STPG2: variants seen among roughly 807,000 people sequenced by gnomAD.
The protein encoded by STPG2 is sperm-tail PG-rich repeat-containing protein 2.
In STPG2, 56 loss-of-function variants were observed where a neutral mutation model predicts 54.2. That is an observed-to-expected ratio of 1.03 (90% CI 0.83 to 1.29). The LOEUF (loss-of-function observed/expected upper bound fraction) is 1.29. STPG2 is among the 50% of genes most tolerant of loss of function. STPG2 has a pLI of 0.00. For synonymous variants in STPG2, 200 were observed against 181.8 expected (o/e 1.10, Z -0.81); for missense variants, 596 against 544.9 (o/e 1.09, Z -0.93).
chr4:97,466,240 T>C (rs1460124797), intron 4 of STPG2, among the ~76,000 whole-genome samples: 5 of 152,096 alleles, frequency 3.3e-5, no homozygotes, highest in East Asian at 1.9e-4. Context: ...TTGTCTGAGA[T>C]AGAAATTTTT....
chr4:98,112,294 G>C (rs1368786271), intron 3 of STPG2, among the ~76,000 whole-genome samples: 2 of 152,044 alleles, frequency 1.3e-5, no homozygotes, highest in African/African-American at 4.8e-5. Context: ...TTGTGTATCT[G>C]TATCTTTGTA....
rs1015197090 is a variant in STPG2 at position 97,623,240 on chromosome 4, T to C, written c.1321-64123A>G. Among the ~76,000 whole-genome samples the C allele has an allele frequency of 2.0e-5, 3 of 151,594 alleles. No homozygotes were observed. The East Asian group carries it at 5.8e-4, about 29-fold the overall frequency. ...ATGATGAAGACACCAAAAACAATTG[T>C]GACAAAAATAAAAACAGATAAATGG... On this transcript the variant is annotated intron_variant, in intron 10 of 10. Transcript: ENST00000295268.
chr4:97,442,970 G>A (rs558401031), intron 4 of STPG2, among the ~76,000 whole-genome samples: 6 of 152,072 alleles, frequency 3.9e-5, no homozygotes, highest in African/African-American at 1.4e-4. Flanking sequence ...TAAATTGAGA[G>A]TTGAAAGGAA....
intron 9 of STPG2, among the ~76,000 whole-genome samples, chr4:97,765,584 C>T (rs1330342071): frequency 6.6e-6 from 1 of 151,994 alleles, no homozygotes; most frequent in East Asian, 1.9e-4. Flanking sequence ...CAACTGAGTC[C>T]TAAAATGAAG....
At chr4:97,550,180 T>C (rs940632473) in intron 4 of STPG2, among the ~76,000 whole-genome samples, 3 of 152,178 alleles carry the variant, frequency 2.0e-5, no homozygotes, top group African/African-American at 7.2e-5. Context: ...AAAAGATGTG[T>C]ACGAAAGTAT....
chr4:97,643,103 T>C (rs1213552664), intron 10 of STPG2, among the ~76,000 whole-genome samples: 1 of 151,662 alleles, frequency 6.6e-6, no homozygotes, highest in Non-Finnish European at 1.5e-5. Context: ...TCCTTATTCA[T>C]TATATAACAG....
rs558441787 is a variant in STPG2, at chr4:97,633,850, G to A, written c.1321-74733C>T. 3 of 156,694 alleles carry A rather than the reference G, an allele frequency of 1.9e-5. No individual in the cohort carries two copies. In the South Asian group the frequency reaches 6.0e-4, roughly 32 times the overall value. The allele number at this position is 156,694 out of a possible 1,614,324, so 9.7% of individuals were successfully genotyped here. On this transcript the variant is annotated intron_variant, in intron 10 of 10. Transcript: ENST00000295268. The stretch of plus-strand genomic sequence containing the variant: ...CTGGCTCTGAGGGTCCTACCCCACG[G>A]AGTCTCGCTGATTGCTAGCACAGCA...
chr4:97,478,696 T>C (rs889934406), intron 4 of STPG2, among the ~76,000 whole-genome samples: 1 of 152,204 alleles, frequency 6.6e-6, no homozygotes, highest in South Asian at 2.1e-4. Context: ...TCTCTTTTGC[T>C]AAAATTTTAA....
At chr4:97,830,323 C>T (rs529444711) in intron 9 of STPG2, among the ~76,000 whole-genome samples, 34 of 152,166 alleles carry the variant, frequency 2.2e-4, no homozygotes, top group Middle Eastern at 3.4e-3. Flanking sequence ...CAATCAAATG[C>T]GGAGAGATTT....
At chr4:97,686,952 TGAGA>T (rs879693888) in intron 10 of STPG2, among the ~76,000 whole-genome samples, 1 of 148,044 alleles carries the variant, frequency 6.8e-6, no homozygotes, top group African/African-American at 2.5e-5. Context: ...TTTTTTTTTT[TGAGA>T]GAGAGAGTGA....
At chr4:97,954,718 C>T (rs1190515980) in intron 7 of STPG2, among the ~76,000 whole-genome samples, 3 of 152,168 alleles carry the variant, frequency 2.0e-5, no homozygotes, top group South Asian at 2.1e-4. Flanking sequence ...ATTTTATCTT[C>T]ACCTGTATCT....
At chr4:97,956,690 ATGGGTGGC>A (rs1481981136) in intron 7 of STPG2, among the ~76,000 whole-genome samples, 1 of 152,184 alleles carries the variant, frequency 6.6e-6, no homozygotes, top group Non-Finnish European at 1.5e-5. Context: ...AATAGACCTG[ATGGGTGGC>A]TGGATCCAGA....
At chr4:97,569,367 GCTT>G (rs1732540043) in intron 10 of STPG2, among the ~76,000 whole-genome samples, 1 of 152,136 alleles carries the variant, frequency 6.6e-6, no homozygotes, top group Non-Finnish European at 1.5e-5. Flanking sequence ...GTTTTGGCCA[GCTT>G]CTTTGCTGCA....
chr4:97,793,372 C>T (rs2865938), intron 9 of STPG2, among the ~76,000 whole-genome samples: 66,633 of 118,620 alleles, frequency 0.56, 15,178 homozygotes, highest in African/African-American at 0.68. Context: ...TTTATATATA[C>T]ACACACACAC....
intron 4 of STPG2, among the ~76,000 whole-genome samples, chr4:97,487,090 TG>T (rs1457218560): frequency 6.6e-6 from 1 of 150,554 alleles, no homozygotes; most frequent in East Asian, 2.0e-4. Context: ...TTTGGGGACT[TG>T]GGAGGAAGGG....
intron 5 of STPG2, among the ~76,000 whole-genome samples, chr4:98,036,623 C>T (rs1224906253): frequency 1.3e-5 from 2 of 150,982 alleles, no homozygotes; most frequent in Non-Finnish European, 3.0e-5. Flanking sequence ...ACATGGACAC[C>T]GAGAGGAACA....
chr4:97,917,529 C>A (rs528972500), intron 8 of STPG2: 1 of 151,908 alleles, frequency 6.6e-6, no homozygotes, highest in Admixed American at 6.6e-5. Context: ...TATGTAAGAA[C>A]ATAATTTACC....
intron 4 of STPG2, among the ~76,000 whole-genome samples, chr4:97,506,761 A>G (rs1730853118): frequency 6.6e-6 from 1 of 151,952 alleles, no homozygotes. Context: ...AATCACTAAC[A>G]AAGTAGTATA....
intron 5 of STPG2, among the ~76,000 whole-genome samples, chr4:98,015,369 C>A (rs1171020725): frequency 2.0e-5 from 3 of 151,584 alleles, no homozygotes; most frequent in African/African-American, 7.3e-5. Flanking sequence ...AAGAAAAAAA[C>A]AAACAACTCC....
Sources: gnomAD v4.1 joint callset for allele counts (sites outside exome capture counted in the v4.1 genomes callset) on GRCh38, gnomAD v4.1.1 for gene constraint, MANE v1.5 for transcripts, NCBI Gene and HGNC (gene_info 2026-07-23, HGNC 2026-07-21) for gene names.